CCDC171: variants seen among roughly 807,000 people sequenced by gnomAD.
The protein encoded by CCDC171 is coiled-coil domain containing 171, also known as coiled-coil domain-containing protein 171.
CCDC171 carries 177 observed loss-of-function variants against 168.2 expected under a neutral mutation model. The ratio of observed to expected loss-of-function variants is 1.05; its 90% CI spans 0.93 to 1.19. The LOEUF is 1.19. CCDC171 is among the 50% of genes most tolerant of loss of function. CCDC171 has a pLI of 0.00. For synonymous variants in CCDC171, 687 were observed against 540.8 expected (o/e 1.27, Z -3.75); for missense variants, 1,991 against 1,539.0 (o/e 1.29, Z -4.91).
intron 24 of CCDC171, among the ~76,000 whole-genome samples, chr9:15,911,858 A>G (rs1191936799): frequency 1.3e-5 from 2 of 152,136 alleles, no homozygotes; most frequent in Middle Eastern, 3.2e-3. Flanking sequence ...AGATGGTTGT[A>G]GATGTGTGGT....
intron 11 of CCDC171, among the ~76,000 whole-genome samples, chr9:15,700,930 A>C (rs2051681851): frequency 6.6e-6 from 1 of 151,554 alleles, no homozygotes; most frequent in African/African-American, 2.4e-5. Flanking sequence ...GCTACTAGCC[A>C]TTCTAACTGT....
chr9:15,896,761 G>A (rs1290487498), intron 24 of CCDC171, among the ~76,000 whole-genome samples: 1 of 151,978 alleles, frequency 6.6e-6, no homozygotes, highest in Non-Finnish European at 1.5e-5. Context: ...ACCATAGCCT[G>A]TAATAGTCAT....
At position 16,020,599 on chromosome 9, in the gene CCDC171, T is replaced by C. The variant is rs1339320432; in HGVS notation, n.379T>C. The C allele has an allele frequency of 1.9e-5, 3 of 154,364 alleles. No individual in the cohort carries two copies. In the Admixed American group the frequency reaches 2.0e-4, roughly 10 times the overall value. 9.6% of individuals were successfully genotyped at this position (154,364 alleles called of 1,614,324 possible). On this transcript the variant is annotated non_coding_transcript_exon_variant, in exon 4 of 10. Transcript: ENST00000486641. Reference sequence around the variant, plus strand: ...TATCCAAATTGCCAGCAGCACTACGTTTGCACTTTGGAGCTATGATTGAGT... The same window carrying C: ...TATCCAAATTGCCAGCAGCACTACGCTTGCACTTTGGAGCTATGATTGAGT...
chr9:16,100,285 T>A, the CCDC171 span, among the ~76,000 whole-genome samples: 1 of 152,188 alleles, frequency 6.6e-6, no homozygotes, highest in Non-Finnish European at 1.5e-5. Flanking sequence ...CTGGTGCTTA[T>A]ATAAATCACT....
chr9:15,645,788 G>C (rs1263857342), intron 7 of CCDC171, among the ~76,000 whole-genome samples: 3 of 152,210 alleles, frequency 2.0e-5, no homozygotes, highest in Admixed American at 2.0e-4. Context: ...ACCTGAAAGT[G>C]ACAGGGAGAA....
Position 16,025,352 on chromosome 9 carries a change from G to A in CCDC171, n.998+2444G>A, listed in dbSNP as rs111447399. On this transcript the variant is annotated intron_variant and non_coding_transcript_variant, in intron 6 of 9. Coordinates refer to the CCDC171 transcript ENST00000486641. ...AGCTACTCGGGAGGCTGAGGCAGGA[G>A]AATTGCTTGAAACCAGTAGGGATCC... 9.4e-3 allele frequency among the ~76,000 whole-genome samples: 1,434 copies of A among 152,320 alleles called. 10 individuals are homozygous for A. Among genetic ancestry groups the A allele is most frequent in the Non-Finnish European group, 0.016 (1,069 of 68,036 alleles).
intron 7 of CCDC171, among the ~76,000 whole-genome samples, chr9:15,644,229 A>G (rs987211893): frequency 3.3e-5 from 5 of 152,058 alleles, no homozygotes; most frequent in Admixed American, 1.3e-4. Flanking sequence ...TTCTTCCAGT[A>G]TTTTCTGTTA....
intron 3 of CCDC171, among the ~76,000 whole-genome samples, chr9:15,993,703 AG>A (rs1334416615): frequency 6.6e-6 from 1 of 152,244 alleles, no homozygotes; most frequent in African/African-American, 2.4e-5. Flanking sequence ...CATCTGACAA[AG>A]GGCTAATATC....
At chr9:15,553,677 A>C (rs1240565378) in intron 1 of CCDC171, 1 of 152,108 alleles carries the variant, frequency 6.6e-6, no homozygotes, top group Admixed American at 6.5e-5. Context: ...GCCACACACT[A>C]GACACTCTAC....
chr9:15,706,692 A>G (rs1231827812), intron 11 of CCDC171, among the ~76,000 whole-genome samples: 1 of 152,196 alleles, frequency 6.6e-6, no homozygotes, highest in East Asian at 1.9e-4. Flanking sequence ...GGATTCATGA[A>G]AGAAAGTCTT....
chr9:16,078,961 T>C, the CCDC171 span, among the ~76,000 whole-genome samples: 1 of 152,124 alleles, frequency 6.6e-6, no homozygotes, highest in Non-Finnish European at 1.5e-5. Context: ...CTTGAAGGGG[T>C]CACCACTAGA....
chr9:15,981,573 T>TA (rs1327523298), intron 3 of CCDC171, among the ~76,000 whole-genome samples: 1 of 152,204 alleles, frequency 6.6e-6, no homozygotes, highest in Non-Finnish European at 1.5e-5. Flanking sequence ...AATGGAAAGA[T>TA]CTGTCTGGAG....
At chr9:15,651,647 C>G (rs891464966) in intron 7 of CCDC171, among the ~76,000 whole-genome samples, 2 of 152,082 alleles carry the variant, frequency 1.3e-5, no homozygotes, top group Non-Finnish European at 2.9e-5. Flanking sequence ...ATAATGACCT[C>G]TAGTTCCATT....
At chr9:15,645,886 A>T (rs551759388) in intron 7 of CCDC171, among the ~76,000 whole-genome samples, 99 of 152,326 alleles carry the variant, frequency 6.5e-4, no homozygotes, top group Non-Finnish European at 1.1e-3. Context: ...AAATTCAGGA[A>T]ATACAGAGAA....
chr9:15,630,062 A>G (rs1433679526), intron 7 of CCDC171, among the ~76,000 whole-genome samples: 1 of 152,224 alleles, frequency 6.6e-6, no homozygotes. Flanking sequence ...GGTACCAGCC[A>G]TTGCAAAATC....
intron 1 of CCDC171, among the ~76,000 whole-genome samples, chr9:15,558,660 T>C (rs897982707): frequency 2.0e-5 from 3 of 152,184 alleles, no homozygotes; most frequent in African/African-American, 7.2e-5. Flanking sequence ...CTAGCAATTT[T>C]GTTGATCTTT....
chr9:15,755,275 C>G (rs2056029728), intron 18 of CCDC171, among the ~76,000 whole-genome samples: 1 of 151,904 alleles, frequency 6.6e-6, no homozygotes. Context: ...TGTGTTTTTG[C>G]AAGAAGGAAA....
intron 16 of CCDC171, among the ~76,000 whole-genome samples, chr9:15,734,620 TATA>T (rs1166224626): frequency 2.0e-5 from 3 of 152,184 alleles, no homozygotes; most frequent in African/African-American, 7.2e-5. Flanking sequence ...TTTTATCAAA[TATA>T]ATTGAATACA....
chr9:15,874,506 C>G, intron 23 of CCDC171, 26 bp from the exon 24 acceptor site: 1 of 1,571,008 alleles, frequency 6.4e-7, no homozygotes, highest in Non-Finnish European at 8.6e-7. Context: ...GGGGAATTAC[C>G]ATTGATGCTG....
Sources: allele counts gnomAD v4.1 joint callset (sites outside exome capture counted in the v4.1 genomes callset), GRCh38; gene constraint gnomAD v4.1.1; transcripts MANE v1.5; gene names NCBI Gene and HGNC (gene_info 2026-07-23, HGNC 2026-07-21).